Variants in RAB20 observed in about 807,000 individuals in gnomAD.
The protein encoded by RAB20 is RAB20, member RAS oncogene family.
Under a neutral mutation model 3.7 loss-of-function variants are expected in RAB20, and 2 were observed. The observed-to-expected ratio is 0.54, with a 90% CI of 0.22 to 1.69. The LOEUF is 1.69. RAB20 is among the 40% of genes most tolerant of loss of function. The probability of loss-of-function intolerance (pLI) is 0.19; values close to 1 mark genes in which losing one functional copy is unlikely to be tolerated. For synonymous variants in RAB20, 126 were observed against 130.8 expected (o/e 0.96, Z 0.25); for missense variants, 276 against 311.9 (o/e 0.88, Z 0.87).
intron 1 of RAB20, among the ~76,000 whole-genome samples, chr13:110,545,083 G>A (rs1443050362): frequency 2.0e-5 from 3 of 152,088 alleles, no homozygotes; most frequent in Non-Finnish European, 4.4e-5. Flanking sequence ...CCCCAGCCAT[G>A]TGGAACTGTA....
intron 1 of RAB20, among the ~76,000 whole-genome samples, chr13:110,552,603 G>A (rs1293305628): frequency 1.3e-5 from 2 of 151,498 alleles, no homozygotes; most frequent in South Asian, 2.1e-4. Flanking sequence ...TGAGGCAGGA[G>A]AATGGCGTGA....
At chr13:110,543,151 T>C (rs768865616) in intron 1 of RAB20, among the ~76,000 whole-genome samples, 2 of 152,232 alleles carry the variant, frequency 1.3e-5, no homozygotes, top group Non-Finnish European at 2.9e-5. Flanking sequence ...TTATTTTTAT[T>C]TTAGAGACAA....
At chr13:110,542,075 A>C (rs1182397343) in intron 1 of RAB20, among the ~76,000 whole-genome samples, 2 of 152,016 alleles carry the variant, frequency 1.3e-5, no homozygotes, top group Non-Finnish European at 2.9e-5. Flanking sequence ...GTTTTGTTTT[A>C]ATTTTATTAT....
At chr13:110,561,296 C>A (rs1036382489) in intron 1 of RAB20, 52 bp downstream of exon 1, 1 of 1,498,426 alleles carries the variant, frequency 6.7e-7, no homozygotes, top group South Asian at 1.3e-5. Flanking sequence ...CCCGCGCCCC[C>A]CGTCCCCGGC....
chr13:110,557,125 C>A (rs11069854), intron 1 of RAB20, among the ~76,000 whole-genome samples: 2,098 of 152,190 alleles, frequency 0.014, 107 homozygotes, highest in East Asian at 0.1. Context: ...CAGAAGGAGC[C>A]AATTACAGGT....
At chr13:110,541,804 C>T (rs1884766944) in intron 1 of RAB20, among the ~76,000 whole-genome samples, 2 of 127,820 alleles carry the variant, frequency 1.6e-5, no homozygotes, top group Admixed American at 8.9e-5. Flanking sequence ...AAGTGCCAGG[C>T]GGAGTGTCCA....
chr13:110,533,900 G>A (rs554737907), intron 1 of RAB20, among the ~76,000 whole-genome samples: 1 of 152,332 alleles, frequency 6.6e-6, no homozygotes, highest in Admixed American at 6.5e-5. Context: ...ACCAGTACGT[G>A]GAAAGTGGAG....
intron 1 of RAB20, among the ~76,000 whole-genome samples, chr13:110,548,211 C>T (rs776414939): frequency 3.3e-5 from 5 of 149,294 alleles, no homozygotes; most frequent in Non-Finnish European, 6.0e-5. Context: ...CGGCCGGGCA[C>T]GGTGGCTCAC....
intron 1 of RAB20, among the ~76,000 whole-genome samples, chr13:110,545,458 C>T (rs9521832): frequency 0.52 from 79,344 of 152,084 alleles, 21,599 homozygotes; most frequent in Middle Eastern, 0.63. Flanking sequence ...TGTCTGTGGT[C>T]GGTCTCCCCA....
At chr13:110,543,832 G>C (rs1283120888) in intron 1 of RAB20, among the ~76,000 whole-genome samples, 1 of 148,260 alleles carries the variant, frequency 6.7e-6, no homozygotes, top group Non-Finnish European at 1.5e-5. Context: ...CTGGAGTACA[G>C]TGGTGCGATC....
At chr13:110,527,854 T>C (rs1427889415) in intron 1 of RAB20, among the ~76,000 whole-genome samples, 1 of 150,162 alleles carries the variant, frequency 6.7e-6, no homozygotes, top group East Asian at 2.0e-4. Context: ...AGGCCAGGAG[T>C]TGGAGCCCAG....
chr13:110,536,728 G>GGGA (rs1884646452), intron 1 of RAB20, among the ~76,000 whole-genome samples: 1 of 94,672 alleles, frequency 1.1e-5, no homozygotes, highest in Non-Finnish European at 2.0e-5. Context: ...TTTTGGGGCG[G>GGGA]TGGGGGGGGG....
intron 1 of RAB20, among the ~76,000 whole-genome samples, chr13:110,542,512 A>C (rs2139583281): frequency 6.6e-6 from 1 of 152,302 alleles, no homozygotes; most frequent in East Asian, 1.9e-4. Flanking sequence ...AGCTCCTTGT[A>C]ACCACCATTC....
At position 110,524,143 on chromosome 13, in the gene RAB20, A is replaced by G. The variant is rs1260910162; in HGVS notation, c.227T>C (p.Ile76Thr). 1.2e-6 allele frequency: 2 copies of G among 1,608,584 alleles called. No homozygotes were observed. The highest frequency in any genetic ancestry group is 2.2e-5 in the East Asian group (1 of 44,870). ...GSMYCRGAAA[I>T]ILTYDVNHRQ... ...GTGATTCACATCATAGGTGAGGATG[A>G]TGGCGGCCGCCCCCCGGCAGTACAT... Residue 76 changes from isoleucine (I) to threonine (T), a missense_variant, in exon 2 of 2, where the codon ATC becomes ACC. Physicochemically the swap from Ile to Thr is moderately conservative, Grantham distance 89. Coordinates refer to ENST00000267328, the MANE Select transcript of RAB20 (RefSeq NM_017817.3).
chr13:110,538,597 CAAAA>C (rs67409356), intron 1 of RAB20, among the ~76,000 whole-genome samples: 1 of 70,726 alleles, frequency 1.4e-5, no homozygotes, highest in Non-Finnish European at 2.6e-5. Context: ...GATCTTCTCT[CAAAA>C]AAAAAAAAAA....
rs759595982 is a variant in RAB20, at chr13:110,523,989, C to T, written c.381G>A (p.Glu127=). Reference sequence around the variant, plus strand: ...CCATATTGGGACTGCACTCTTCCTTCTCCTGGCCCGCCAAGGCCCCCTCCT... The same window carrying T: ...CCATATTGGGACTGCACTCTTCCTTTTCCTGGCCCGCCAAGGCCCCCTCCT... ...LTEEGALAGQ[E]KEECSPNMDA... Residue 127 remains glutamate (E), a synonymous_variant, in exon 2 of 2, where the codon GAG becomes GAA. Coordinates refer to ENST00000267328, the MANE Select transcript of RAB20 (RefSeq NM_017817.3). 5 of 1,614,092 alleles carry T rather than the reference C, an allele frequency of 3.1e-6. No homozygotes were observed. In the East Asian group the frequency reaches 1.1e-4, roughly 36 times the overall value.
At chr13:110,524,673 G>T (rs1884397228) in intron 1 of RAB20, among the ~76,000 whole-genome samples, 1 of 152,194 alleles carries the variant, frequency 6.6e-6, no homozygotes, top group Non-Finnish European at 1.5e-5. Flanking sequence ...CACCCCCTGG[G>T]TGCTCCCAGC....
chr13:110,528,440 A>G (rs1884472022), intron 1 of RAB20, among the ~76,000 whole-genome samples: 1 of 150,560 alleles, frequency 6.6e-6, no homozygotes, highest in Non-Finnish European at 1.5e-5. Flanking sequence ...AAAAACAGAA[A>G]AGAAAGAAAA....
At position 110,548,294 on chromosome 13, in the gene RAB20, G is replaced by A. The variant is rs563082974; in HGVS notation, c.172+13054C>T. ...AGGTCATGAGTTCGAGACCAGCCTG[G>A]CCAACATGGTGAAACCCCAATTCTA... On this transcript the variant is annotated intron_variant, in intron 1 of 1. Transcript: ENST00000267328. Among the ~76,000 whole-genome samples, 9 of 152,222 alleles carry A rather than the reference G, an allele frequency of 5.9e-5. No individual in the cohort carries two copies. The South Asian group carries it at 1.9e-3, about 32-fold the overall frequency.
Sources: allele counts gnomAD v4.1 joint callset (sites outside exome capture counted in the v4.1 genomes callset), GRCh38; gene constraint gnomAD v4.1.1; transcripts MANE v1.5; gene names NCBI Gene and HGNC (gene_info 2026-07-23, HGNC 2026-07-21).